The following SNRPG variants were observed in gnomAD, a reference collection of about 807,000 sequenced individuals.
SNRPG encodes small nuclear ribonucleoprotein G.
SNRPG carries 3 observed loss-of-function variants against 13.9 expected under a neutral mutation model. The ratio of observed to expected loss-of-function variants is 0.22; its 90% confidence interval spans 0.10 to 0.56. The LOEUF is 0.56. Ranked by LOEUF, SNRPG falls within the 20% of genes least tolerant of loss-of-function variation. The pLI is 0.93. For synonymous variants in SNRPG, 29 were observed against 29.3 expected, an observed-to-expected ratio of 0.99 and a Z score of 0.03; for missense variants, 34 against 96.1, an observed-to-expected ratio of 0.35 and a Z score of 2.70.
intron 3 of SNRPG, 61 bp from the exon 4 acceptor site, chr2:70,281,745 A>T: frequency 1.1e-6 from 1 of 904,280 alleles, no homozygotes; most frequent in Non-Finnish European, 1.8e-6. Flanking sequence ...AACTATGATG[A>T]TTTAAGAATT....
chr2:70,282,211 T>C (rs947828730), intron 3 of SNRPG, among the ~76,000 whole-genome samples: 1 of 152,108 alleles, frequency 6.6e-6, no homozygotes, highest in African/African-American at 2.4e-5. Context: ...CTACTACGCC[T>C]GGCCCTAATT....
chr2:70,288,748 TTC>T (rs1697005565), intron 2 of SNRPG, among the ~76,000 whole-genome samples: 4 of 152,238 alleles, frequency 2.6e-5, no homozygotes, highest in Admixed American at 1.3e-4. Context: ...AAGATAACTG[TTC>T]CTTGTCTAAG....
At chr2:70,292,189 G>A (rs909106512) in intron 1 of SNRPG, among the ~76,000 whole-genome samples, 1 of 151,682 alleles carries the variant, frequency 6.6e-6, no homozygotes, top group Admixed American at 6.6e-5. Flanking sequence ...CTCGTGATCC[G>A]CCCGCCTCGG....
intron 3 of SNRPG, among the ~76,000 whole-genome samples, chr2:70,284,420 G>A (rs1696890466): frequency 6.6e-6 from 1 of 152,112 alleles, no homozygotes; most frequent in African/African-American, 2.4e-5. Context: ...GTCTTGCTCT[G>A]TCACCCAAGC....
intron 1 of SNRPG, chr2:70,293,271 G>T: frequency 1.4e-6 from 1 of 700,524 alleles, no homozygotes; most frequent in Non-Finnish European, 2.6e-6. Flanking sequence ...CCCTCTAGCC[G>T]TCTATCTAGA....
chr2:70,283,096 C>CAAAAAAAAA lies in SNRPG; in HGVS notation c.181-1421_181-1413dup, dbSNP rs57862220. Among the ~76,000 whole-genome samples, 44 of 14,006 alleles carry CAAAAAAAAA rather than the reference C, an allele frequency of 3.1e-3. 3 individuals carry two copies. Among genetic ancestry groups the CAAAAAAAAA allele is most frequent in the Admixed American group, 0.011 (10 of 886 alleles). The allele number at this position is 14,006 out of a possible 152,430, so 9.2% of individuals were successfully genotyped here. A position where few individuals can be genotyped will look rare whatever the true frequency, so the allele number is the denominator to read the frequency against. ...GGCAACGAGCGAAACTGTCTTTTGT[C>CAAAAAAAAA]AAAAAAAAAAAAAAAAAAAAAAAAA... is the stretch of plus-strand genomic sequence containing the variant. On this transcript the variant is annotated intron_variant, in intron 3 of 3. Coordinates refer to ENST00000272348, the MANE Select transcript of SNRPG (RefSeq NM_003096.4).
Position 70,293,675 on chromosome 2 carries a change from T to G in SNRPG, c.-26A>C, listed in dbSNP as rs758112405. 6.2e-7 allele frequency: 1 copy of G among 1,613,238 alleles called. No homozygotes were observed. The highest frequency in any genetic ancestry group is 1.3e-5 in the African/African-American group (1 of 74,928). On this transcript the variant is annotated 5_prime_UTR_variant, in exon 1 of 4. Transcript: ENST00000272348. ...GGTGTATACTCCGCGGGCTCACAGA[T>G]GCCTTGGAACGCAACGCACGGCTTT...
intron 3 of SNRPG, among the ~76,000 whole-genome samples, chr2:70,284,593 A>C (rs1020286133): frequency 3.0e-4 from 45 of 152,162 alleles, no homozygotes; most frequent in African/African-American, 1.1e-3. Context: ...CATGTTGCCC[A>C]GGCTTATCTC....
chr2:70,291,462 T>C (rs1275149745), intron 1 of SNRPG, among the ~76,000 whole-genome samples: 1 of 152,184 alleles, frequency 6.6e-6, no homozygotes, highest in African/African-American at 2.4e-5. Context: ...CTACTGACAT[T>C]TGGGACCAGT....
Position 70,287,994 on chromosome 2 carries a change from A to G in SNRPG, c.180+74T>C, listed in dbSNP as rs538968703. ...CTGTTATTTGCCATTTCTGGGGGTTACTAACCAGGAAAGTTAATACACATT... is the reference window on the plus strand; with the variant it reads ...CTGTTATTTGCCATTTCTGGGGGTTGCTAACCAGGAAAGTTAATACACATT... On this transcript the variant is annotated intron_variant, in intron 3 of 3. Coordinates refer to ENST00000272348, the MANE Select transcript of SNRPG (RefSeq NM_003096.4). The G allele has an allele frequency of 2.4e-5, 34 of 1,412,050 alleles. 1 individual carries two copies. The East Asian group carries it at 2.5e-4, about 10-fold the overall frequency. The allele number at this position is 1,412,050 out of a possible 1,614,324, so 87.5% of individuals were successfully genotyped here. A position where few individuals can be genotyped will look rare whatever the true frequency, so the allele number is the denominator to read the frequency against.
intron 1 of SNRPG, among the ~76,000 whole-genome samples, chr2:70,291,843 ATC>A (rs1697105684): frequency 6.6e-6 from 1 of 151,950 alleles, no homozygotes; most frequent in South Asian, 2.1e-4. Flanking sequence ...AAAAAAAAAA[ATC>A]ACCATTTCAC....
At chr2:70,284,786 C>T (rs1405368320) in intron 3 of SNRPG, among the ~76,000 whole-genome samples, 1 of 152,126 alleles carries the variant, frequency 6.6e-6, no homozygotes, top group Non-Finnish European at 1.5e-5. Flanking sequence ...TGCCTAGCTC[C>T]CTGCTAAATT....
chr2:70,283,096 CAAAAAAAAAA>C (rs57862220), intron 3 of SNRPG, among the ~76,000 whole-genome samples: 5 of 14,046 alleles, frequency 3.6e-4, no homozygotes, highest in Admixed American at 1.1e-3. Flanking sequence ...TGTCTTTTGT[CAAAAAAAAAA>C]AAAAAAAAAA....
At chr2:70,283,271 A>G (rs1696859946) in intron 3 of SNRPG, among the ~76,000 whole-genome samples, 1 of 152,028 alleles carries the variant, frequency 6.6e-6, no homozygotes, top group Non-Finnish European at 1.5e-5. Flanking sequence ...TAGACTGGAG[A>G]TCATCATAAT....
intron 3 of SNRPG, 42 bp downstream of exon 3, chr2:70,288,026 G>C: frequency 6.2e-7 from 1 of 1,600,654 alleles, no homozygotes; most frequent in Non-Finnish European, 8.5e-7. Context: ...CATTCCAAAA[G>C]AAAAATGAAA....
At chr2:70,282,231 A>G (rs183087597) in intron 3 of SNRPG, among the ~76,000 whole-genome samples, 1 of 152,176 alleles carries the variant, frequency 6.6e-6, no homozygotes, top group Admixed American at 6.5e-5. Context: ...TTCACCTTCT[A>G]AAATGCAGGA....
chr2:70,288,648 G>GT (rs1697002804), intron 2 of SNRPG, among the ~76,000 whole-genome samples: 1 of 152,132 alleles, frequency 6.6e-6, no homozygotes, highest in Non-Finnish European at 1.5e-5. Context: ...AACGCTCATG[G>GT]TTTTTTCCCC....
Position 70,289,361 on chromosome 2 carries a change from T to C in SNRPG, c.44A>G (p.Lys15Arg). The change falls in exon 2 of 4, where the codon AAG becomes AGG. Residue 15 changes from lysine (K) to arginine (R), a missense_variant. Lys to Arg is a conservative substitution (Grantham distance 26). Coordinates refer to ENST00000272348, the MANE Select transcript of SNRPG (RefSeq NM_003096.4). ...AACAACAAACTTACATGATAACTTCTTGTCCATAAATCTGAAAAAGGAAAA... is the reference window on the plus strand; with the variant it reads ...AACAACAAACTTACATGATAACTTCCTGTCCATAAATCTGAAAAAGGAAAA... Reference protein sequence around the residue: ...HPPELKKFMDKKLSLKLNGGR... With the variant: ...HPPELKKFMDRKLSLKLNGGR... 1 of 1,447,896 alleles carries C rather than the reference T, an allele frequency of 6.9e-7. No individual in the cohort carries two copies. 89.7% of individuals were successfully genotyped at this position (1,447,896 alleles called of 1,614,324 possible). A position where few individuals can be genotyped will look rare whatever the true frequency, so the allele number is the denominator to read the frequency against.
At chr2:70,290,010 T>TA (rs1406704695) in intron 1 of SNRPG, among the ~76,000 whole-genome samples, 1 of 151,510 alleles carries the variant, frequency 6.6e-6, no homozygotes, top group Non-Finnish European at 1.5e-5. Flanking sequence ...CTTTCTTTTT[T>TA]TTTTTTTTTT....
Sources: allele counts gnomAD v4.1 joint callset (sites outside exome capture counted in the v4.1 genomes callset), GRCh38; gene constraint gnomAD v4.1.1; transcripts MANE v1.5; gene names NCBI Gene and HGNC (gene_info 2026-07-23, HGNC 2026-07-21).